Variants in CAMK2A observed in about 807,000 individuals in gnomAD.
The protein encoded by CAMK2A is calcium/calmodulin-dependent protein kinase type II subunit alpha.
In CAMK2A, 7 loss-of-function variants were observed where a neutral mutation model predicts 79.2. That is an observed-to-expected ratio of 0.09 (90% CI 0.05 to 0.17). The LOEUF is 0.17. Ranked by LOEUF, CAMK2A falls within the 10% of genes least tolerant of loss-of-function variation. The pLI, the probability that CAMK2A is intolerant of heterozygous loss-of-function variation, is 1.00. For synonymous variants in CAMK2A, 242 were observed against 251.7 expected (o/e 0.96, Z 0.36); for missense variants, 214 against 646.4 (o/e 0.33, Z 7.25).
At chr5:150,287,826 C>T (rs929890900) in intron 1 of CAMK2A, among the ~76,000 whole-genome samples, 4 of 151,958 alleles carry the variant, frequency 2.6e-5, no homozygotes, top group African/African-American at 4.8e-5. Context: ...TGCCCCTACC[C>T]GCAAAAAAAG....
chr5:150,225,846 G>T (rs1580894268), intron 17 of CAMK2A, among the ~76,000 whole-genome samples: 1 of 152,184 alleles, frequency 6.6e-6, no homozygotes, highest in African/African-American at 2.4e-5. Flanking sequence ...CCAGGTTCAA[G>T]TGATTCTCGT....
chr5:150,267,525 C>G (rs142572431), intron 2 of CAMK2A, among the ~76,000 whole-genome samples: 2 of 152,346 alleles, frequency 1.3e-5, no homozygotes, highest in African/African-American at 4.8e-5. Flanking sequence ...ATGCTAGGAA[C>G]TAATTGTATA....
chr5:150,287,660 A>G (rs560858635), intron 1 of CAMK2A, among the ~76,000 whole-genome samples: 1 of 152,314 alleles, frequency 6.6e-6, no homozygotes, highest in South Asian at 2.1e-4. Flanking sequence ...CAGTCCTGCC[A>G]GGACCCAGTC....
chr5:150,222,836 A>G, intron 18 of CAMK2A, 123 bp from the exon 19 acceptor site: 8 of 1,407,662 alleles, frequency 5.7e-6, no homozygotes. Flanking sequence ...CTCTTCCCCC[A>G]GACCTGCAGG....
At chr5:150,288,049 A>G (rs1757501497) in intron 1 of CAMK2A, among the ~76,000 whole-genome samples, 1 of 151,820 alleles carries the variant, frequency 6.6e-6, no homozygotes. Flanking sequence ...GAGCTCACAC[A>G]TGCCTATAAC....
At chr5:150,281,529 C>G (rs1757216129) in intron 1 of CAMK2A, among the ~76,000 whole-genome samples, 1 of 152,252 alleles carries the variant, frequency 6.6e-6, no homozygotes, top group African/African-American at 2.4e-5. Flanking sequence ...TCCACCCCCT[C>G]CTATTCCAAA....
At position 150,228,885 on chromosome 5, in the gene CAMK2A, G is replaced by A. The variant is rs767431105; in HGVS notation, c.1143-599C>T. On this transcript the variant is annotated intron_variant, in intron 16 of 18. Transcript: ENST00000671881. ...GATGAGAAAAATAGCATTAGATGAGGTAATATCTGGGAGGAGAAGCACAGG... is the reference window on the plus strand; with the variant it reads ...GATGAGAAAAATAGCATTAGATGAGATAATATCTGGGAGGAGAAGCACAGG... Among the ~76,000 whole-genome samples the A allele has an allele frequency of 3.4e-4, 52 of 152,160 alleles. 1 individual carries two copies. The highest frequency in any genetic ancestry group is 7.3e-5 in the Non-Finnish European group (5 of 68,030).
rs756516852 is a variant in CAMK2A, at chr5:150,231,307, G to A, written c.1140C>T (p.Tyr380=). Residue 380 remains tyrosine, a splice_region_variant and synonymous_variant, in exon 16 of 19, where the codon TAC becomes TAT. Transcript: ENST00000671881. ...EAISNGDFES[Y]TKMCDPGMTA... is the part of the protein sequence containing the mutation. ...CAGAATGAGCCCAGCTGACTCACGT[G>A]TAGGACTCAAAATCTCCATTGCTTA... is the stretch of plus-strand genomic sequence containing the variant. 6.3e-7 allele frequency: 1 copy of A among 1,582,424 alleles called. No homozygotes were observed. The highest frequency in any genetic ancestry group is 8.6e-7 in the Non-Finnish European group (1 of 1,162,490).
intron 1 of CAMK2A, among the ~76,000 whole-genome samples, chr5:150,283,365 CT>C (rs1240101415): frequency 6.6e-6 from 1 of 152,176 alleles, no homozygotes; most frequent in Non-Finnish European, 1.5e-5. Flanking sequence ...TTCCTCCTCT[CT>C]CTTACTTTCT....
rs1173111777 is a variant in CAMK2A, at chr5:150,221,074, A to G, written c.*1636T>C. 1 of 165,072 alleles carries G rather than the reference A, an allele frequency of 6.1e-6. No homozygotes were observed. The highest frequency in any genetic ancestry group is 1.6e-4 in the East Asian group (1 of 6,184). The allele number at this position is 165,072 out of a possible 1,614,324, so 10.2% of individuals were successfully genotyped here. On this transcript the variant is annotated 3_prime_UTR_variant, in exon 19 of 19. Coordinates refer to ENST00000671881, the MANE Select transcript of CAMK2A (RefSeq NM_015981.4). ...GGCCACACAGAGGCCAAAAGCACAG[A>G]GAGGCAGCAACATAATTCCGAGTCG...
chr5:150,288,648 G>A (rs1415779560), intron 1 of CAMK2A, among the ~76,000 whole-genome samples: 2 of 152,124 alleles, frequency 1.3e-5, no homozygotes, highest in South Asian at 2.1e-4. Context: ...CCAGGGCATC[G>A]GTGCTCCTTT....
chr5:150,224,655 T>C (rs895358416), intron 17 of CAMK2A, among the ~76,000 whole-genome samples: 1 of 152,036 alleles, frequency 6.6e-6, no homozygotes. Context: ...TTCAGCGTCA[T>C]AGACTTGGGA....
chr5:150,282,072 T>C (rs1474371308), intron 1 of CAMK2A, among the ~76,000 whole-genome samples: 1 of 152,128 alleles, frequency 6.6e-6, no homozygotes, highest in East Asian at 1.9e-4. Context: ...GAACAAAGCA[T>C]TATACAGCTA....
At chr5:150,224,296 G>A (rs571312974) in intron 17 of CAMK2A, among the ~76,000 whole-genome samples, 18 of 152,276 alleles carry the variant, frequency 1.2e-4, no homozygotes, top group Admixed American at 1.2e-3. Context: ...TTCCCTTTGT[G>A]TAGCCCGAAT....
At chr5:150,226,701 C>T (rs1344917177) in intron 17 of CAMK2A, among the ~76,000 whole-genome samples, 2 of 119,560 alleles carry the variant, frequency 1.7e-5, no homozygotes, top group Non-Finnish European at 1.6e-5. Context: ...CGTGCCACTG[C>T]ACTCCAGCCT....
intron 17 of CAMK2A, 130 bp downstream of exon 17, chr5:150,228,062 C>G: frequency 1.5e-6 from 1 of 688,512 alleles, no homozygotes; most frequent in Non-Finnish European, 2.5e-6. Flanking sequence ...AACCCCAGTC[C>G]ACACGGGAGC....
intron 13 of CAMK2A, among the ~76,000 whole-genome samples, chr5:150,240,725 G>A (rs925371343): frequency 8.5e-5 from 13 of 152,194 alleles, no homozygotes; most frequent in Non-Finnish European, 1.6e-4. Flanking sequence ...ACAAGGCCTC[G>A]CGGCAAGCCA....
chr5:150,247,857 T>C, intron 11 of CAMK2A, 43 bp from the exon 12 acceptor site: 1 of 1,573,042 alleles, frequency 6.4e-7, no homozygotes, highest in Non-Finnish European at 8.7e-7. Flanking sequence ...GAGGCCGGAG[T>C]GAAGGGACCC....
In CAMK2A at chr5:150,228,252, G is replaced by T. The variant is rs1408224855; in HGVS notation, c.1177C>A (p.Pro393Thr). 1.2e-6 allele frequency: 2 copies of T among 1,614,046 alleles called. No individual in the cohort carries two copies. Among genetic ancestry groups the T allele is most frequent in the South Asian group, 1.1e-5 (1 of 91,056 alleles). The change falls in exon 17 of 19, where the codon CCT becomes ACT. Residue 393 changes from proline (P) to threonine (T), a missense_variant. Pro to Thr is a conservative substitution (Grantham distance 38). Around this residue, in one of 4 missense-constraint regions of CAMK2A, gnomAD observed 123 missense variants for 242.4 expected, o/e 0.51. Transcript: ENST00000671881. ...TCAACCAGGTTCCCCAGGGCCTCAG[G>T]TTCGAAGGCTGTCATGCCAGGGTCG... ...MCDPGMTAFE[P>T]EALGNLVEGL...
Sources: allele counts gnomAD v4.1 joint callset (sites outside exome capture counted in the v4.1 genomes callset), GRCh38; gene constraint gnomAD v4.1.1; regional missense constraint gnomAD v4.1.1; transcripts MANE v1.5; gene names NCBI Gene and HGNC (gene_info 2026-07-23, HGNC 2026-07-21).